Variants in CREG2 observed in about 807,000 individuals in gnomAD.
CREG2 encodes the protein protein CREG2.
CREG2 carries 24 observed loss-of-function variants against 26.2 expected under a neutral mutation model. The ratio of observed to expected loss-of-function variants is 0.92; its 90% CI spans 0.66 to 1.29. The LOEUF is 1.29. Ranked by LOEUF, CREG2 falls within the 50% of genes most tolerant of loss-of-function variation. CREG2 has a pLI of 0.00. For synonymous variants in CREG2, 174 were observed against 169.2 expected, an observed-to-expected ratio of 1.03 and a Z score of -0.22; for missense variants, 366 against 398.6, an observed-to-expected ratio of 0.92 and a Z score of 0.70.
At chr2:101,382,441 AAGAGTAAG>A in intron 2 of CREG2, 1 of 952,056 alleles carries the variant, frequency 1.1e-6, no homozygotes, top group Non-Finnish European at 1.3e-6. Flanking sequence ...AAAAAAAAAA[AAGAGTAAG>A]AAAAGAAAAG....
At chr2:101,351,889 A>C (rs1684386663) in intron 3 of CREG2, among the ~76,000 whole-genome samples, 1 of 152,062 alleles carries the variant, frequency 6.6e-6, no homozygotes, top group Non-Finnish European at 1.5e-5. Flanking sequence ...TATTTATTAA[A>C]AAATTTTTTT....
At chr2:101,351,574 G>A (rs1005861319) in intron 3 of CREG2, among the ~76,000 whole-genome samples, 5 of 152,136 alleles carry the variant, frequency 3.3e-5, no homozygotes, top group Admixed American at 1.3e-4. Flanking sequence ...AAACCAGTTC[G>A]TTCATGGGAA....
intron 2 of CREG2, among the ~76,000 whole-genome samples, chr2:101,369,587 CTT>C (rs1358260037): frequency 2.0e-5 from 3 of 152,184 alleles, no homozygotes; most frequent in African/African-American, 7.2e-5. Flanking sequence ...CTCAAAAGAG[CTT>C]CTCTCTCCCA....
At chr2:101,353,375 T>C (rs1684410714) in intron 3 of CREG2, among the ~76,000 whole-genome samples, 1 of 152,226 alleles carries the variant, frequency 6.6e-6, no homozygotes, top group Non-Finnish European at 1.5e-5. Context: ...AAGCTCATCA[T>C]CACTGGTCAT....
intron 2 of CREG2, among the ~76,000 whole-genome samples, chr2:101,380,000 T>TATCTATC (rs1553447748): frequency 2.0e-5 from 3 of 150,306 alleles, no homozygotes; most frequent in South Asian, 2.1e-4. Context: ...TCTATCTATC[T>TATCTATC]ATCTATCTAT....
At chr2:101,351,125 C>T in intron 3 of CREG2, 55 bp from the exon 4 acceptor site, 1 of 1,570,170 alleles carries the variant, frequency 6.4e-7, no homozygotes, top group Non-Finnish European at 8.7e-7. Flanking sequence ...GAGGTGCACC[C>T]TGGGCCAAGT....
intron 2 of CREG2, among the ~76,000 whole-genome samples, chr2:101,366,911 A>C (rs1208771317): frequency 2.6e-5 from 4 of 152,208 alleles, no homozygotes; most frequent in African/African-American, 9.6e-5. Flanking sequence ...TAGGTATTAT[A>C]AGTAATCTAG....
chr2:101,355,678 C>A (rs1464063981), intron 2 of CREG2, among the ~76,000 whole-genome samples: 1 of 151,724 alleles, frequency 6.6e-6, no homozygotes, highest in African/African-American at 2.4e-5. Context: ...GTTCCCTGAC[C>A]CCCTCGAGGG....
chr2:101,355,112 G>A lies in CREG2; in HGVS notation c.725+141C>T, dbSNP rs1170027597. 6.4e-6 allele frequency: 4 copies of A among 620,498 alleles called. No homozygotes were observed. In the East Asian group the frequency reaches 1.1e-4, roughly 18 times the overall value. 38.4% of individuals were successfully genotyped at this position (620,498 alleles called of 1,614,324 possible). A position where few individuals can be genotyped will look rare whatever the true frequency, so the allele number is the denominator to read the frequency against. ...CCACTGCTAGTGATCTCCATAGCCA[G>A]GCTGAGCTTGGCCCTATTCCCACCG... On this transcript the variant is annotated intron_variant, in intron 3 of 3. Coordinates refer to ENST00000324768, the MANE Select transcript of CREG2 (RefSeq NM_153836.4).
chr2:101,353,282 T>C (rs546450048), intron 3 of CREG2, among the ~76,000 whole-genome samples: 1 of 152,352 alleles, frequency 6.6e-6, no homozygotes, highest in African/African-American at 2.4e-5. Flanking sequence ...ATTTATCAAT[T>C]TTGGCTTTTG....
Position 101,387,475 on chromosome 2 carries a change from C to G in CREG2, c.-18G>C. 1.0e-6 allele frequency: 1 copy of G among 1,004,656 alleles called. No individual in the cohort carries two copies. The highest frequency in any genetic ancestry group is 1.3e-6 in the Non-Finnish European group (1 of 788,230). The allele number at this position is 1,004,656 out of a possible 1,614,324, so 62.2% of individuals were successfully genotyped here. On this transcript the variant is annotated 5_prime_UTR_variant, in exon 1 of 4. Coordinates refer to ENST00000324768, the MANE Select transcript of CREG2 (RefSeq NM_153836.4). This position sits in a 1 kb window ranked among gnomAD's most constrained non-coding sequence, Gnocchi z 4.7. ...ACGGACATCTTGCAGGCAGCACGCC[C>G]GGCCGCCGGGGCCGCCAGCAGCGCT... is the stretch of plus-strand genomic sequence containing the variant.
chr2:101,361,421 A>G (rs1684537692), intron 2 of CREG2, among the ~76,000 whole-genome samples: 1 of 152,332 alleles, frequency 6.6e-6, no homozygotes, highest in East Asian at 1.9e-4. Context: ...GGCAATCACA[A>G]GGATCATTAA....
chr2:101,346,723 T>C lies in CREG2; in HGVS notation c.*4200A>G, dbSNP rs572810293. 1 of 152,342 alleles carries C rather than the reference T, an allele frequency of 6.6e-6. No individual in the cohort carries two copies. The highest frequency in any genetic ancestry group is 1.9e-4 in the East Asian group (1 of 5,190). 9.4% of individuals were successfully genotyped at this position (152,342 alleles called of 1,614,324 possible). A position where few individuals can be genotyped will look rare whatever the true frequency, so the allele number is the denominator to read the frequency against. On this transcript the variant is annotated 3_prime_UTR_variant, in exon 4 of 4. Transcript: ENST00000324768. ...CTTTATTAAGCTAAGCCCTAAATCT[T>C]GTTTATGTTAAGCTTTTTACTCAGA...
At chr2:101,370,960 C>T (rs2104479312) in intron 2 of CREG2, among the ~76,000 whole-genome samples, 1 of 152,270 alleles carries the variant, frequency 6.6e-6, no homozygotes, top group East Asian at 1.9e-4. Flanking sequence ...CAGTGCTGAC[C>T]TCTGATTGGA....
Position 101,347,309 on chromosome 2 carries a change from C to CT in CREG2, c.*3613dup, listed in dbSNP as rs1416387318. 1 of 152,278 alleles carries CT rather than the reference C, an allele frequency of 6.6e-6. No individual in the cohort carries two copies. The highest frequency in any genetic ancestry group is 2.4e-5 in the African/African-American group (1 of 41,554). The allele number at this position is 152,278 out of a possible 1,614,324, so 9.4% of individuals were successfully genotyped here. On this transcript the variant is annotated 3_prime_UTR_variant, in exon 4 of 4. Coordinates refer to ENST00000324768, the MANE Select transcript of CREG2 (RefSeq NM_153836.4). ...CATGCACAAGTTTTTGTGTGAACCT[C>CT]TTTTCATTTCTCTTGTATAAATGCC...
intron 2 of CREG2, among the ~76,000 whole-genome samples, chr2:101,374,093 C>T (rs894706636): frequency 2.0e-5 from 3 of 152,174 alleles, no homozygotes; most frequent in Non-Finnish European, 4.4e-5. Flanking sequence ...TGCCCTGAGT[C>T]GTTTTTAAAA....
chr2:101,387,336 G>A lies in CREG2; in HGVS notation c.122C>T (p.Ala41Val). Residue 41 changes from alanine (A) to valine (V), a missense_variant, in exon 1 of 4, where the codon GCC becomes GTC. By Grantham distance (64) the Ala-to-Val change is moderately conservative. Transcript: ENST00000324768. The surrounding 1 kb of genome is among the most constrained non-coding windows in gnomAD (Gnocchi z 4.7). ...CTCCTCGTCCACCTCGTTGGTGACG[G>A]CCCAAGACACGGAGCTCACGATCAC... ...GYVIVSSVSW[A>V]VTNEVDEELD... 1 of 1,427,438 alleles carries A rather than the reference G, an allele frequency of 7.0e-7. No homozygotes were observed. The allele number at this position is 1,427,438 out of a possible 1,614,324, so 88.4% of individuals were successfully genotyped here. A position where few individuals can be genotyped will look rare whatever the true frequency, so the allele number is the denominator to read the frequency against.
intron 2 of CREG2, among the ~76,000 whole-genome samples, chr2:101,357,114 C>T (rs902459163): frequency 2.2e-4 from 34 of 152,326 alleles, no homozygotes; most frequent in Non-Finnish European, 3.7e-4. Flanking sequence ...GTCTCAAACT[C>T]CTGACCCTGT....
chr2:101,366,686 G>A (rs550087850), intron 2 of CREG2, among the ~76,000 whole-genome samples: 47 of 152,132 alleles, frequency 3.1e-4, no homozygotes, highest in Non-Finnish European at 5.7e-4. Flanking sequence ...GCCAGGTGTG[G>A]TGGCATGCAC....
Sources: allele counts gnomAD v4.1 joint callset (sites outside exome capture counted in the v4.1 genomes callset), GRCh38; gene constraint gnomAD v4.1.1; non-coding constraint Gnocchi (gnomAD v3.1); transcripts MANE v1.5; gene names NCBI Gene and HGNC (gene_info 2026-07-23, HGNC 2026-07-21).